UQCC1: variants seen among roughly 807,000 people sequenced by gnomAD.
The protein encoded by UQCC1 is bFGF-repressed Zic-binding protein.
Under a neutral mutation model 48.0 loss-of-function variants are expected in UQCC1, and 38 were observed. The ratio of observed to expected loss-of-function variants is 0.79; its 90% CI spans 0.61 to 1.04. UQCC1 has a LOEUF of 1.04. UQCC1 is among the 50% of genes least tolerant of loss of function. The pLI is 0.00. For synonymous variants in UQCC1, 111 were observed against 129.2 expected (o/e 0.86, Z 0.95); for missense variants, 368 against 381.8 (o/e 0.96, Z 0.30).
intron 2 of UQCC1, chr20:35,386,188 T>C (rs945067783): frequency 6.9e-5 from 25 of 363,338 alleles, no homozygotes; most frequent in African/African-American, 5.4e-4. Flanking sequence ...TAAGTTAGAA[T>C]TATGGATAAA....
intron 2 of UQCC1, among the ~76,000 whole-genome samples, chr20:35,387,661 TAA>T (rs901723783): frequency 6.6e-5 from 10 of 152,228 alleles, no homozygotes; most frequent in African/African-American, 1.9e-4. Context: ...ACTGAAGAAC[TAA>T]AGAGTAACTC....
chr20:35,347,095 A>T, intron 7 of UQCC1, 69 bp downstream of exon 7: 2 of 1,614,196 alleles, frequency 1.2e-6, no homozygotes, highest in Non-Finnish European at 1.7e-6. Flanking sequence ...ATTTTACAAC[A>T]GATAAAACTC....
At chr20:35,410,238 A>T (rs1167571855) in intron 1 of UQCC1, 2 of 152,138 alleles carry the variant, frequency 1.3e-5, no homozygotes, top group Admixed American at 1.3e-4. Flanking sequence ...TGCCCTATAA[A>T]ATGATAGTTG....
intron 1 of UQCC1, among the ~76,000 whole-genome samples, chr20:35,399,000 T>A (rs192915034): frequency 6.6e-6 from 1 of 152,284 alleles, no homozygotes; most frequent in Admixed American, 6.5e-5. Flanking sequence ...AAATCCTTAA[T>A]TGAAACCACT....
chr20:35,344,655 A>G (rs2061413927), intron 7 of UQCC1: 1 of 152,278 alleles, frequency 6.6e-6, no homozygotes, highest in Non-Finnish European at 1.5e-5. Flanking sequence ...ATTCAGCTGG[A>G]TGAATACCTT....
Position 35,375,068 on chromosome 20 carries a change from A to T in UQCC1, c.334-812T>A, listed in dbSNP as rs571869222. 6.6e-5 allele frequency among the ~76,000 whole-genome samples: 10 copies of T among 152,310 alleles called. No individual in the cohort carries two copies. In the East Asian group the frequency reaches 1.9e-3, roughly 29 times the overall value. ...TTCAAAACATTTCATTAAGGATATA[A>T]CTAAATAAATGAGCACTTCAACAAG... On this transcript the variant is annotated intron_variant, in intron 4 of 9. Transcript: ENST00000374385.
At chr20:35,333,973 G>T (rs1380983349) in intron 7 of UQCC1, among the ~76,000 whole-genome samples, 4 of 152,152 alleles carry the variant, frequency 2.6e-5, no homozygotes, top group African/African-American at 9.7e-5. Context: ...GGCTGGGAAG[G>T]GGGCAGTTTA....
intron 2 of UQCC1, among the ~76,000 whole-genome samples, chr20:35,393,875 C>T (rs1385678182): frequency 1.3e-5 from 2 of 152,074 alleles, no homozygotes; most frequent in African/African-American, 4.8e-5. Context: ...CAGACTGTAG[C>T]ATGGTATCCT....
intron 9 of UQCC1, 25 bp from the exon 10 acceptor site, chr20:35,304,094 G>A (rs2060901397): frequency 1.2e-6 from 2 of 1,613,760 alleles, no homozygotes; most frequent in Admixed American, 1.7e-5. Flanking sequence ...GGGGGAAGGA[G>A]GAAGCGACAG....
chr20:35,370,545 A>C (rs866381002), intron 5 of UQCC1, among the ~76,000 whole-genome samples: 19 of 152,240 alleles, frequency 1.2e-4, no homozygotes, highest in Non-Finnish European at 5.9e-5. Context: ...CAAATGACAA[A>C]GATGGGCCAC....
intron 7 of UQCC1, among the ~76,000 whole-genome samples, chr20:35,321,447 G>A (rs901955023): frequency 1.8e-4 from 27 of 152,124 alleles, no homozygotes; most frequent in Non-Finnish European, 2.9e-4. Flanking sequence ...TTCCCGTTGC[G>A]ATGAAAGGCC....
intron 1 of UQCC1, among the ~76,000 whole-genome samples, chr20:35,404,205 T>A (rs2062212697): frequency 6.6e-6 from 1 of 151,940 alleles, no homozygotes; most frequent in Non-Finnish European, 1.5e-5. Context: ...CCGTCTCTAC[T>A]AAAAATACAA....
intron 6 of UQCC1, among the ~76,000 whole-genome samples, chr20:35,364,817 G>A (rs4911178): frequency 0.54 from 82,492 of 151,944 alleles, 23,429 homozygotes; most frequent in East Asian, 0.72. Flanking sequence ...GTGGTCACAG[G>A]GATTATATAT....
At chr20:35,379,316 T>A (rs937800370) in intron 4 of UQCC1, among the ~76,000 whole-genome samples, 7 of 152,244 alleles carry the variant, frequency 4.6e-5, no homozygotes, top group African/African-American at 1.7e-4. Flanking sequence ...GCAGGTATTT[T>A]ACTCCCTAAT....
At position 35,393,460 on chromosome 20, in the gene UQCC1, C is replaced by T. The variant is rs2062034675; in HGVS notation, c.129+632G>A. Among the ~76,000 whole-genome samples the T allele has an allele frequency of 2.7e-5, 4 of 149,164 alleles. No homozygotes were observed. In the Admixed American group the frequency reaches 2.7e-4, roughly 10 times the overall value. On this transcript the variant is annotated intron_variant, in intron 2 of 9. Transcript: ENST00000374385. ...ATTTGTTAGGGTACTTCAGGAATAA[C>T]ATTACATATACATACACACACACAC... is the stretch of plus-strand genomic sequence containing the variant.
chr20:35,369,158 C>T (rs2061701918), intron 5 of UQCC1, among the ~76,000 whole-genome samples: 1 of 152,178 alleles, frequency 6.6e-6, no homozygotes, highest in African/African-American at 2.4e-5. Flanking sequence ...CTGGAAAGCA[C>T]AGACAGACAG....
intron 5 of UQCC1, among the ~76,000 whole-genome samples, chr20:35,367,897 GCTT>G (rs1290909283): frequency 6.6e-6 from 1 of 152,142 alleles, no homozygotes; most frequent in African/African-American, 2.4e-5. Flanking sequence ...ACTGGGAAGG[GCTT>G]CTCCTTGGTT....
rs2060887285 is a variant in UQCC1 at position 35,303,009 on chromosome 20, G to A, written c.*926C>T. The A allele has an allele frequency of 6.6e-6, 1 of 152,220 alleles. No homozygotes were observed. Among genetic ancestry groups the A allele is most frequent in the Non-Finnish European group, 1.5e-5 (1 of 68,068 alleles). 9.4% of individuals were successfully genotyped at this position (152,220 alleles called of 1,614,324 possible). A position where few individuals can be genotyped will look rare whatever the true frequency, so the allele number is the denominator to read the frequency against. On this transcript the variant is annotated 3_prime_UTR_variant, in exon 10 of 10. Transcript: ENST00000374385. ...GCTGGTCCTCAGGTGCTCAGACCAA[G>A]GTGGCTCTGCAGCACGTGCTTCAGA...
At chr20:35,320,737 G>T (rs78879698) in intron 7 of UQCC1, among the ~76,000 whole-genome samples, 1,775 of 152,304 alleles carry the variant, frequency 0.012, 39 homozygotes, top group African/African-American at 0.039. Context: ...ACAGAAGAAA[G>T]TTGGTATGGA....
Sources: gnomAD v4.1 joint callset for allele counts (sites outside exome capture counted in the v4.1 genomes callset) on GRCh38, gnomAD v4.1.1 for gene constraint, MANE v1.5 for transcripts, NCBI Gene and HGNC (gene_info 2026-07-23, HGNC 2026-07-21) for gene names.